Variants in RIMBP2 observed in about 807,000 individuals in gnomAD.
The protein encoded by RIMBP2 is RIMS binding protein 2, also known as RIMS-binding protein 2.
RIMBP2 carries 48 observed loss-of-function variants against 118.6 expected under a neutral mutation model. The observed-to-expected ratio is 0.40, with a 90% CI of 0.32 to 0.51. The LOEUF (loss-of-function observed/expected upper bound fraction) is 0.51, where lower values mean the gene tolerates loss of function less well. Ranked by LOEUF, RIMBP2 falls within the 20% of genes least tolerant of loss-of-function variation. The pLI is 0.41. For synonymous variants in RIMBP2, 762 were observed against 742.9 expected (o/e 1.03, Z -0.42); for missense variants, 1,551 against 1,768.3 (o/e 0.88, Z 2.20).
rs370376312 is a variant in RIMBP2, at chr12:130,434,691, C to T, written c.2253+43G>A. Reference sequence around the variant, plus strand: ...ATCTCCACGGGGCCCGCTCCGAGCCCGCGCCCACCAGGAGGATGGTGTGGG... The same window carrying T: ...ATCTCCACGGGGCCCGCTCCGAGCCTGCGCCCACCAGGAGGATGGTGTGGG... On this transcript the variant is annotated intron_variant, in intron 14 of 22. Transcript: ENST00000690449. The surrounding 1 kb of genome is among the most constrained non-coding windows in gnomAD (Gnocchi z 5.7). 2.1e-5 allele frequency: 34 copies of T among 1,582,762 alleles called. No homozygotes were observed. Among genetic ancestry groups the T allele is most frequent in the African/African-American group, 5.4e-5 (4 of 73,796 alleles).
intron 1 of RIMBP2, chr12:130,667,853 G>A (rs1407616378): frequency 6.6e-6 from 1 of 152,186 alleles, no homozygotes; most frequent in African/African-American, 2.4e-5. Context: ...GTGATAGATG[G>A]GGGTGGTGCC....
At chr12:130,677,190 C>T (rs981770696) in intron 1 of RIMBP2, among the ~76,000 whole-genome samples, 1 of 152,074 alleles carries the variant, frequency 6.6e-6, no homozygotes, top group Admixed American at 6.5e-5. Flanking sequence ...CAGCCTTCTA[C>T]GAGGAGCATG....
intron 1 of RIMBP2, among the ~76,000 whole-genome samples, chr12:130,690,880 C>T (rs961056077): frequency 3.3e-5 from 5 of 152,080 alleles, no homozygotes; most frequent in African/African-American, 1.2e-4. Flanking sequence ...CTTCCTCTCG[C>T]TCCCCAGTGA....
Position 130,424,971 on chromosome 12 carries a change from G to A in RIMBP2, c.2413-113C>T, listed in dbSNP as rs149011374. ...CAGAATTAGTCCTGGAGGCACCGAGGGGGGGGAAGCATGCGTCTACTCAGG... is the reference window on the plus strand; with the variant it reads ...CAGAATTAGTCCTGGAGGCACCGAGAGGGGGGAAGCATGCGTCTACTCAGG... On this transcript the variant is annotated intron_variant, in intron 15 of 22. Transcript: ENST00000690449. The surrounding 1 kb of genome is among the most constrained non-coding windows in gnomAD (Gnocchi z 9.8). The A allele has an allele frequency of 4.0e-5, 22 of 556,764 alleles. No individual in the cohort carries two copies. Among genetic ancestry groups the A allele is most frequent in the South Asian group, 3.0e-4 (3 of 10,146 alleles). The allele number at this position is 556,764 out of a possible 1,614,324, so 34.5% of individuals were successfully genotyped here. A position where few individuals can be genotyped will look rare whatever the true frequency, so the allele number is the denominator to read the frequency against.
chr12:130,406,326 C>G, intron 20 of RIMBP2, 83 bp from the exon 21 acceptor site: 2 of 887,766 alleles, frequency 2.3e-6, no homozygotes, highest in Non-Finnish European at 3.5e-6. Flanking sequence ...TATGCTTTCC[C>G]TTACTATTTG....
At chr12:130,658,250 G>A (rs2063509997) in intron 1 of RIMBP2, 1 of 152,230 alleles carries the variant, frequency 6.6e-6, no homozygotes, top group Non-Finnish European at 1.5e-5. Context: ...AGGGTTCTCT[G>A]AGCCCAGCCT....
chr12:130,410,180 T>C (rs929543324), intron 19 of RIMBP2, among the ~76,000 whole-genome samples: 2 of 152,234 alleles, frequency 1.3e-5, no homozygotes, highest in African/African-American at 4.8e-5. Flanking sequence ...CACCCACATA[T>C]CGTCTTTGGC....
At chr12:130,522,711 AGAG>A (rs1348377404) in intron 2 of RIMBP2, among the ~76,000 whole-genome samples, 3 of 152,052 alleles carry the variant, frequency 2.0e-5, no homozygotes, top group East Asian at 1.9e-4. Flanking sequence ...GTGCGCAGGG[AGAG>A]GAGGAGGAGG....
At chr12:130,588,046 C>G (rs73456750) in intron 2 of RIMBP2, among the ~76,000 whole-genome samples, 2,478 of 152,112 alleles carry the variant, frequency 0.016, 69 homozygotes, top group African/African-American at 0.057. Context: ...AATCCCGTTC[C>G]TGTCCATTCC....
chr12:130,450,314 T>C lies in RIMBP2; in HGVS notation c.505-38A>G. 1 of 1,498,558 alleles carries C rather than the reference T, an allele frequency of 6.7e-7. No homozygotes were observed. 92.8% of individuals were successfully genotyped at this position (1,498,558 alleles called of 1,614,324 possible). A position where few individuals can be genotyped will look rare whatever the true frequency, so the allele number is the denominator to read the frequency against. ...CAATGGGTGTGTGGGTTATTGAAGC[T>C]GGAGGTGTCCCACCCCATTCCCGCG... On this transcript the variant is annotated intron_variant, in intron 8 of 22. Coordinates refer to ENST00000690449, the MANE Select transcript of RIMBP2 (RefSeq NM_001393629.1). This position sits in a 1 kb window ranked among gnomAD's most constrained non-coding sequence, Gnocchi z 4.8.
At chr12:130,436,077 C>T (rs761823812) in intron 13 of RIMBP2, among the ~76,000 whole-genome samples, 27 of 152,240 alleles carry the variant, frequency 1.8e-4, no homozygotes, top group Non-Finnish European at 3.2e-4. Context: ...CTCAACACAA[C>T]AGGAGAGATG....
chr12:130,602,896 G>A (rs1052803804), intron 2 of RIMBP2, among the ~76,000 whole-genome samples: 15 of 152,120 alleles, frequency 9.9e-5, no homozygotes, highest in African/African-American at 3.6e-4. Context: ...CCCTGCAAGG[G>A]GTCTATCAGG....
At chr12:130,504,252 T>C (rs1378085169) in intron 4 of RIMBP2, among the ~76,000 whole-genome samples, 1 of 152,140 alleles carries the variant, frequency 6.6e-6, no homozygotes, top group African/African-American at 2.4e-5. Flanking sequence ...GGCACTTCAG[T>C]GTCTTTGTTC....
chr12:130,560,075 C>T lies in RIMBP2; in HGVS notation c.-216-42158G>A, dbSNP rs184169022. On this transcript the variant is annotated intron_variant, in intron 2 of 22. Transcript: ENST00000690449. Reference sequence around the variant, plus strand: ...AGAGCTGCCACTCAATCACAACACACGGCCAAAGTCCAGGGTTTGTTTAAT... The same window carrying T: ...AGAGCTGCCACTCAATCACAACACATGGCCAAAGTCCAGGGTTTGTTTAAT... Among the ~76,000 whole-genome samples, 39 of 152,292 alleles carry T rather than the reference C, an allele frequency of 2.6e-4. 2 individuals carry two copies. The South Asian group carries it at 3.1e-3, about 12-fold the overall frequency.
chr12:130,503,988 A>G (rs1201781167), intron 4 of RIMBP2, among the ~76,000 whole-genome samples: 2 of 152,364 alleles, frequency 1.3e-5, no homozygotes, highest in South Asian at 2.1e-4. Flanking sequence ...TTTTTAAGTA[A>G]GAAAATCAGG....
At position 130,683,732 on chromosome 12, in the gene RIMBP2, G is replaced by C. The variant is rs968242181; in HGVS notation, c.-352+32490C>G. Among the ~76,000 whole-genome samples, 3 of 152,136 alleles carry C rather than the reference G, an allele frequency of 2.0e-5. No individual in the cohort carries two copies. On this transcript the variant is annotated intron_variant, in intron 1 of 22. Transcript: ENST00000690449. This position sits in a 1 kb window ranked among gnomAD's most constrained non-coding sequence, Gnocchi z 4.4. ...ATTGCTACACTCCCACCAGCACTAC[G>C]ACAATTTACAAACGCCATGGCAATG... is the stretch of plus-strand genomic sequence containing the variant.
intron 6 of RIMBP2, among the ~76,000 whole-genome samples, chr12:130,457,619 G>A (rs760177154): frequency 9.9e-5 from 15 of 152,188 alleles, no homozygotes; most frequent in East Asian, 3.9e-4. Context: ...CTCACCCCGC[G>A]TTCCTTTCTC....
At chr12:130,400,893 CACT>C (rs1341475637) in intron 21 of RIMBP2, among the ~76,000 whole-genome samples, 1 of 152,186 alleles carries the variant, frequency 6.6e-6, no homozygotes, top group African/African-American at 2.4e-5. Flanking sequence ...TACCACCTCA[CACT>C]ACTATCAAAA....
chr12:130,449,186 T>C (rs1389583819), intron 9 of RIMBP2, among the ~76,000 whole-genome samples: 3 of 152,230 alleles, frequency 2.0e-5, no homozygotes, highest in Non-Finnish European at 4.4e-5. Context: ...AGGCTGGGTC[T>C]TCACGAGTGC....
Sources: allele counts gnomAD v4.1 joint callset (sites outside exome capture counted in the v4.1 genomes callset), GRCh38; gene constraint gnomAD v4.1.1; non-coding constraint Gnocchi (gnomAD v3.1); transcripts MANE v1.5; gene names NCBI Gene and HGNC (gene_info 2026-07-23, HGNC 2026-07-21).